Variants in RPTOR observed in about 807,000 individuals in gnomAD.
The protein encoded by RPTOR is regulatory associated protein of MTOR complex 1.
RPTOR carries 21 observed loss-of-function variants against 169.9 expected under a neutral mutation model. That is an observed-to-expected ratio of 0.12 (90% CI 0.09 to 0.18). The LOEUF is 0.18. RPTOR is among the 10% of genes least tolerant of loss of function. The pLI, the probability that RPTOR is intolerant of heterozygous loss-of-function variation, is 1.00. For synonymous variants in RPTOR, 732 were observed against 753.2 expected (o/e 0.97, Z 0.46); for missense variants, 1,133 against 1,855.9 (o/e 0.61, Z 7.16).
At chr17:80,871,266 C>CGGCTA (rs1312388837) in intron 13 of RPTOR, among the ~76,000 whole-genome samples, 1 of 152,104 alleles carries the variant, frequency 6.6e-6, no homozygotes, top group Non-Finnish European at 1.5e-5. Flanking sequence ...CCACCACGCC[C>CGGCTA]GGCTAATTTT....
chr17:80,605,111 C>T (rs143710101), intron 1 of RPTOR, among the ~76,000 whole-genome samples: 26 of 152,288 alleles, frequency 1.7e-4, no homozygotes, highest in African/African-American at 5.5e-4. Flanking sequence ...TTAAGACGAT[C>T]CATGTCCTGT....
rs1356749330 is a variant in RPTOR, at chr17:80,861,569, TAGAA to T, written c.1509+3671_1509+3674del. Among the ~76,000 whole-genome samples, 1 of 152,176 alleles carries T rather than the reference TAGAA, an allele frequency of 6.6e-6. No individual in the cohort carries two copies. Among genetic ancestry groups the T allele is most frequent in the East Asian group, 1.9e-4 (1 of 5,198 alleles). On this transcript the variant is annotated intron_variant, in intron 13 of 33. Transcript: ENST00000306801. The surrounding 1 kb of genome is among the most constrained non-coding windows in gnomAD (Gnocchi z 4.5). ...TCTTCGTCATCTACATGGACACACT[TAGAA>T]ATATCTTGGCACCTGGCCACGGATG...
rs186003082 is a variant in RPTOR at position 80,829,641 on chromosome 17, G to A, written c.1136+6418G>A. ...CGGCTCCCAGCATGGGGGGCGGCCC[G>A]TAGACATGGCAGTGCCGCGTGCATG... On this transcript the variant is annotated intron_variant, in intron 9 of 33. Coordinates refer to ENST00000306801, the MANE Select transcript of RPTOR (RefSeq NM_020761.3). 3.4e-3 allele frequency among the ~76,000 whole-genome samples: 520 copies of A among 152,274 alleles called. 1 individual carries two copies. The highest frequency in any genetic ancestry group is 5.2e-3 in the Non-Finnish European group (354 of 68,016).
At chr17:80,856,970 C>T (rs2067859623) in intron 12 of RPTOR, among the ~76,000 whole-genome samples, 1 of 152,194 alleles carries the variant, frequency 6.6e-6, no homozygotes, top group Admixed American at 6.5e-5. Context: ...TGGCCTTTCA[C>T]AGGGAAGGGA....
chr17:80,844,761 C>T lies in RPTOR; in HGVS notation c.1213-1712C>T, dbSNP rs2067707751. On this transcript the variant is annotated intron_variant, in intron 10 of 33. Coordinates refer to ENST00000306801, the MANE Select transcript of RPTOR (RefSeq NM_020761.3). This position sits in a 1 kb window ranked among gnomAD's most constrained non-coding sequence, Gnocchi z 4.7. The stretch of plus-strand genomic sequence containing the variant: ...TCCTGGACTTGGGCGCACGGAGGCA[C>T]CCTGTCCTGCTCCTGGCGTTCGCCT... Among the ~76,000 whole-genome samples the T allele has an allele frequency of 6.6e-6, 1 of 152,188 alleles. No individual in the cohort carries two copies. The highest frequency in any genetic ancestry group is 6.5e-5 in the Admixed American group (1 of 15,290).
chr17:80,948,662 G>A (rs1038332811), intron 27 of RPTOR: 1 of 152,768 alleles, frequency 6.5e-6, no homozygotes, highest in Non-Finnish European at 1.5e-5. Context: ...ACAGGCAGGT[G>A]GGTGGAGGTG....
intron 5 of RPTOR, among the ~76,000 whole-genome samples, chr17:80,739,069 T>C (rs917641170): frequency 3.3e-5 from 3 of 90,134 alleles, no homozygotes; most frequent in African/African-American, 1.3e-4. Context: ...GCCAGCACCA[T>C]GGGTTGCAGA....
chr17:80,786,895 C>G (rs763603853), intron 6 of RPTOR, among the ~76,000 whole-genome samples: 4 of 152,238 alleles, frequency 2.6e-5, no homozygotes, highest in Non-Finnish European at 5.9e-5. Context: ...CGTCACAATT[C>G]TTGCTTCATG....
Position 80,883,880 on chromosome 17 carries a change from A to G in RPTOR, c.1750A>G (p.Ile584Val), listed in dbSNP as rs769844404. 1.2e-6 allele frequency: 2 copies of G among 1,613,702 alleles called. No individual in the cohort carries two copies. Among genetic ancestry groups the G allele is most frequent in the South Asian group, 2.2e-5 (2 of 91,086 alleles). The change falls in exon 16 of 34, where the codon ATC becomes GTC. Residue 584 changes from isoleucine to valine, a missense_variant. This residue lies in a region of RPTOR where 289 missense variants were observed against 585.8 expected (regional missense o/e 0.49). Coordinates refer to ENST00000306801, the MANE Select transcript of RPTOR (RefSeq NM_020761.3). ...GTGGGTGGCCATCTGCCTCGGCAGG[A>G]TCTGGCAGAACTTCGACTCGGCGAG... is the stretch of plus-strand genomic sequence containing the variant. The part of the protein sequence containing the change: ...RQWVAICLGR[I>V]WQNFDSARWC...
intron 5 of RPTOR, among the ~76,000 whole-genome samples, chr17:80,752,084 T>C (rs771915589): frequency 1.6e-4 from 25 of 152,252 alleles, no homozygotes; most frequent in Non-Finnish European, 3.1e-4. Flanking sequence ...GCTATCTACA[T>C]GACATGCCCA....
chr17:80,837,882 G>A (rs368836783), intron 9 of RPTOR, 40 bp from the exon 10 acceptor site: 9 of 1,580,518 alleles, frequency 5.7e-6, no homozygotes, highest in Admixed American at 5.2e-5. Flanking sequence ...GTGGAAGCCC[G>A]TCCATAATGC....
At chr17:80,780,112 T>G (rs930016546) in intron 6 of RPTOR, among the ~76,000 whole-genome samples, 7 of 152,192 alleles carry the variant, frequency 4.6e-5, no homozygotes, top group African/African-American at 1.7e-4. Flanking sequence ...GTCCATCTGC[T>G]TCTATTAAGT....
chr17:80,911,267 C>T (rs999203061), intron 21 of RPTOR, among the ~76,000 whole-genome samples: 3 of 152,166 alleles, frequency 2.0e-5, no homozygotes, highest in Non-Finnish European at 2.9e-5. Flanking sequence ...ATCCCTGCAG[C>T]GGATTCTGCC....
At chr17:80,948,957 C>G (rs559825351) in intron 27 of RPTOR, among the ~76,000 whole-genome samples, 2 of 152,324 alleles carry the variant, frequency 1.3e-5, no homozygotes, top group East Asian at 3.9e-4. Context: ...GCTACTCTCT[C>G]TGTGGAGCAC....
chr17:80,687,070 TG>T (rs1469720873), intron 3 of RPTOR, among the ~76,000 whole-genome samples: 1 of 152,196 alleles, frequency 6.6e-6, no homozygotes, highest in Non-Finnish European at 1.5e-5. Context: ...TCCTAATAAC[TG>T]GGGCTTTGTG....
intron 28 of RPTOR, among the ~76,000 whole-genome samples, chr17:80,955,223 A>G (rs1456176760): frequency 6.6e-6 from 1 of 152,266 alleles, no homozygotes; most frequent in African/African-American, 2.4e-5. Context: ...CGCAGACGGC[A>G]TTAAGAAGCT....
intron 11 of RPTOR, among the ~76,000 whole-genome samples, chr17:80,847,732 A>C (rs2143718054): frequency 6.6e-6 from 1 of 152,260 alleles, no homozygotes; most frequent in East Asian, 1.9e-4. Flanking sequence ...TAGAAAGCAG[A>C]TCGGGTGGTG....
At chr17:80,701,975 C>T (rs910619259) in intron 3 of RPTOR, among the ~76,000 whole-genome samples, 11 of 152,166 alleles carry the variant, frequency 7.2e-5, no homozygotes, top group Admixed American at 7.2e-4. Context: ...CATGCCGCCA[C>T]GAGGGCCACT....
At chr17:80,919,455 C>T (rs776737278) in intron 21 of RPTOR, among the ~76,000 whole-genome samples, 1 of 152,188 alleles carries the variant, frequency 6.6e-6, no homozygotes, top group African/African-American at 2.4e-5. Context: ...ATAGAGCAGC[C>T]AGAAGCTGAC....
Sources: allele counts gnomAD v4.1 joint callset (sites outside exome capture counted in the v4.1 genomes callset), GRCh38; gene constraint gnomAD v4.1.1; regional missense constraint gnomAD v4.1.1; non-coding constraint Gnocchi (gnomAD v3.1); transcripts MANE v1.5; gene names NCBI Gene and HGNC (gene_info 2026-07-23, HGNC 2026-07-21).